The following COPS4 variants were observed in gnomAD, a reference collection of about 807,000 sequenced individuals.
COPS4 encodes the protein COP9 signalosome complex subunit 4.
COPS4 carries 8 observed loss-of-function variants against 55.1 expected under a neutral mutation model. The observed-to-expected ratio is 0.15, with a 90% CI of 0.09 to 0.26. The LOEUF is 0.26. Ranked by LOEUF, COPS4 falls within the 10% of genes least tolerant of loss-of-function variation. The pLI is 1.00. For missense variants in COPS4, 248 were observed against 484.0 expected (o/e 0.51, Z 4.58); for synonymous variants, 185 against 165.7 (o/e 1.12, Z -0.90).
At chr4:83,061,556 A>T (rs775716416) in intron 6 of COPS4, among the ~76,000 whole-genome samples, 1 of 152,108 alleles carries the variant, frequency 6.6e-6, no homozygotes, top group East Asian at 1.9e-4. Context: ...ACCACAATTC[A>T]TTTATCTTAA....
intron 1 of COPS4, among the ~76,000 whole-genome samples, chr4:83,038,122 T>A (rs1016372818): frequency 6.6e-6 from 1 of 152,236 alleles, no homozygotes; most frequent in African/African-American, 2.4e-5. Flanking sequence ...GAGGATAGAC[T>A]TTATTGAGGA....
intron 7 of COPS4, among the ~76,000 whole-genome samples, chr4:83,065,689 C>T (rs778857625): frequency 6.6e-6 from 1 of 152,204 alleles, no homozygotes; most frequent in Non-Finnish European, 1.5e-5. Context: ...TATGCCTGAT[C>T]TTTCAGGAGG....
intron 2 of COPS4, 54 bp from the exon 3 acceptor site, chr4:83,049,112 T>C: frequency 6.6e-7 from 1 of 1,517,594 alleles, no homozygotes; most frequent in Non-Finnish European, 8.9e-7. Flanking sequence ...GTTGATTGTT[T>C]AATGACAATT....
intron 6 of COPS4, among the ~76,000 whole-genome samples, chr4:83,057,650 C>A (rs575257436): frequency 2.0e-5 from 3 of 152,044 alleles, no homozygotes; most frequent in Non-Finnish European, 4.4e-5. Flanking sequence ...GGGCTGGGCG[C>A]GGTGGCTCAC....
chr4:83,053,737 G>A (rs759252462), intron 4 of COPS4, among the ~76,000 whole-genome samples: 11 of 148,022 alleles, frequency 7.4e-5, no homozygotes, highest in Non-Finnish European at 1.2e-4. Flanking sequence ...CTACTGGGGA[G>A]GCTGAAGCAC....
intron 5 of COPS4, 46 bp downstream of exon 5, chr4:83,057,125 T>G: frequency 6.4e-7 from 1 of 1,555,104 alleles, no homozygotes; most frequent in East Asian, 2.3e-5. Flanking sequence ...TGGAGAATTG[T>G]AACATACTAA....
At chr4:83,035,362 C>T in intron 1 of COPS4, 64 bp downstream of exon 1, 1 of 1,324,594 alleles carries the variant, frequency 7.5e-7, no homozygotes, top group Non-Finnish European at 1.0e-6. Flanking sequence ...CCTTAATCTC[C>T]TTAGGTTGGC....
chr4:83,048,867 G>A (rs986354493), intron 2 of COPS4, among the ~76,000 whole-genome samples: 31 of 151,912 alleles, frequency 2.0e-4, no homozygotes, highest in Admixed American at 5.3e-4. Context: ...GGCTGGTCTC[G>A]AACTCCTGAC....
Position 83,045,689 on chromosome 4 carries a change from A to G in COPS4, c.138A>G (p.Lys46=), listed in dbSNP as rs778220217. The change falls in exon 2 of 10, where the codon AAA becomes AAG. Residue 46 remains lysine (K), a synonymous_variant. Transcript: ENST00000264389. The stretch of plus-strand genomic sequence containing the variant: ...GAGCAGAACAACTAGAAGCTTTGAA[A>G]GCTTTTGTGGAAGCAAGTAAGTGAA... ...LSGAEQLEAL[K]AFVEAMVNEN... 5 of 1,612,616 alleles carry G rather than the reference A, an allele frequency of 3.1e-6. No individual in the cohort carries two copies. The African/African-American group carries it at 6.7e-5, about 22-fold the overall frequency.
chr4:83,053,977 A>G (rs991981346), intron 4 of COPS4, among the ~76,000 whole-genome samples: 1 of 152,074 alleles, frequency 6.6e-6, no homozygotes, highest in Non-Finnish European at 1.5e-5. Flanking sequence ...GTATGAGACT[A>G]TTGCTTATTG....
intron 1 of COPS4, among the ~76,000 whole-genome samples, chr4:83,039,778 C>T (rs973894186): frequency 3.9e-5 from 6 of 152,092 alleles, no homozygotes; most frequent in African/African-American, 1.4e-4. Flanking sequence ...ACTATAGGCA[C>T]GTGACACCAT....
intron 9 of COPS4, chr4:83,073,448 T>A (rs1297978699): frequency 2.5e-6 from 1 of 406,308 alleles, no homozygotes; most frequent in African/African-American, 2.0e-5. Flanking sequence ...CAGAATTATC[T>A]TGGCCATTCT....
At chr4:83,063,876 AT>A (rs1731235217) in intron 7 of COPS4, among the ~76,000 whole-genome samples, 1 of 151,852 alleles carries the variant, frequency 6.6e-6, no homozygotes, top group Non-Finnish European at 1.5e-5. Context: ...CGCCCGGCTA[AT>A]TTTGTAATTT....
Position 83,035,217 on chromosome 4 carries a change from G to C in COPS4, c.-8G>C, listed in dbSNP as rs777421339. On this transcript the variant is annotated 5_prime_UTR_variant, in exon 1 of 10. Coordinates refer to ENST00000264389, the MANE Select transcript of COPS4 (RefSeq NM_016129.3). The stretch of plus-strand genomic sequence containing the variant: ...GGCCCCCGCATCCACCGCTGAGCTG[G>C]GAGAAAGATGGCGGCAGCCGTGCGA... 6.4e-7 allele frequency: 1 copy of C among 1,561,648 alleles called. No homozygotes were observed. The highest frequency in any genetic ancestry group is 8.7e-7 in the Non-Finnish European group (1 of 1,146,634).
intron 4 of COPS4, among the ~76,000 whole-genome samples, chr4:83,054,095 CA>C (rs1258585785): frequency 6.6e-6 from 1 of 152,128 alleles, no homozygotes; most frequent in Non-Finnish European, 1.5e-5. Context: ...GTAATCCCAG[CA>C]CTTTGGGAGG....
Position 83,072,475 on chromosome 4 carries a change from A to G in COPS4, c.1088-2822A>G, listed in dbSNP as rs142465882. Reference sequence around the variant, plus strand: ...ACATTTTTAAATTTTTTTGCACTCAAATAGGTCAATGTTTTATTTTATGGC... The same window carrying G: ...ACATTTTTAAATTTTTTTGCACTCAGATAGGTCAATGTTTTATTTTATGGC... On this transcript the variant is annotated intron_variant, in intron 9 of 9. Coordinates refer to ENST00000264389, the MANE Select transcript of COPS4 (RefSeq NM_016129.3). Among the ~76,000 whole-genome samples the G allele has an allele frequency of 7.4e-3, 1,127 of 152,246 alleles. 11 individuals are homozygous for G. Among genetic ancestry groups the G allele is most frequent in the African/African-American group, 0.025 (1,054 of 41,530 alleles).
At chr4:83,052,930 TG>T (rs773319136) in intron 4 of COPS4, among the ~76,000 whole-genome samples, 1 of 152,180 alleles carries the variant, frequency 6.6e-6, no homozygotes, top group Non-Finnish European at 1.5e-5. Flanking sequence ...AGACATCAGC[TG>T]GAACGGTGGA....
intron 9 of COPS4, among the ~76,000 whole-genome samples, chr4:83,073,851 G>T (rs551422726): frequency 4.6e-5 from 7 of 152,124 alleles, no homozygotes; most frequent in Non-Finnish European, 1.0e-4. Flanking sequence ...CAGCTACTTG[G>T]GAGGCTGAAG....
In COPS4 at chr4:83,038,718, T is replaced by A. The variant is rs566634920; in HGVS notation, c.74+3420T>A. On this transcript the variant is annotated intron_variant, in intron 1 of 9. Coordinates refer to ENST00000264389, the MANE Select transcript of COPS4 (RefSeq NM_016129.3). Reference sequence around the variant, plus strand: ...GTGCAGTGGCGCGATCTCGGCTCACTGCAACCTCTGCCTCCCGGGTTCAAC... The same window carrying A: ...GTGCAGTGGCGCGATCTCGGCTCACAGCAACCTCTGCCTCCCGGGTTCAAC... Among the ~76,000 whole-genome samples the A allele has an allele frequency of 1.2e-4, 19 of 152,290 alleles. No homozygotes were observed. The East Asian group carries it at 2.1e-3, about 17-fold the overall frequency.
Sources: allele counts gnomAD v4.1 joint callset (sites outside exome capture counted in the v4.1 genomes callset), GRCh38; gene constraint gnomAD v4.1.1; transcripts MANE v1.5; gene names NCBI Gene and HGNC (gene_info 2026-07-23, HGNC 2026-07-21).